The following KIRREL3 variants were observed in gnomAD, a reference collection of about 807,000 sequenced individuals.
KIRREL3 encodes the protein kin of IRRE-like protein 3.
Under a neutral mutation model 89.7 loss-of-function variants are expected in KIRREL3, and 36 were observed. The observed-to-expected ratio is 0.40, with a 90% confidence interval of 0.31 to 0.53. KIRREL3 has a LOEUF of 0.53. Ranked by LOEUF, KIRREL3 falls within the 20% of genes least tolerant of loss-of-function variation. The pLI, the probability that KIRREL3 is intolerant of heterozygous loss-of-function variation, is 0.49. For synonymous variants in KIRREL3, 445 were observed against 441.4 expected (o/e 1.01, Z -0.10); for missense variants, 864 against 1,056.6 (o/e 0.82, Z 2.53).
rs1946490695 is a variant in KIRREL3, at chr11:126,904,322, C to T, written c.55+96133G>A. On this transcript the variant is annotated intron_variant, in intron 1 of 16. Transcript: ENST00000525144. This position sits in a 1 kb window ranked among gnomAD's most constrained non-coding sequence, Gnocchi z 4.4. ...ATGTCTGTATTTTATGGCCCGAAGC[C>T]CCCAAACTCATGATTATTTGCTATT... 6.6e-6 allele frequency among the ~76,000 whole-genome samples: 1 copy of T among 152,098 alleles called. No homozygotes were observed. The highest frequency in any genetic ancestry group is 1.5e-5 in the Non-Finnish European group (1 of 68,028).
chr11:126,588,156 G>A (rs556893069), intron 1 of KIRREL3, among the ~76,000 whole-genome samples: 4 of 152,190 alleles, frequency 2.6e-5, no homozygotes, highest in Non-Finnish European at 5.9e-5. Context: ...ATCATTGTGG[G>A]ACACAATGAG....
Position 126,943,862 on chromosome 11 carries a change from G to A in KIRREL3, c.55+56593C>T, listed in dbSNP as rs1187545903. Among the ~76,000 whole-genome samples the A allele has an allele frequency of 6.6e-6, 1 of 152,202 alleles. No individual in the cohort carries two copies. The highest frequency in any genetic ancestry group is 2.4e-5 in the African/African-American group (1 of 41,452). On this transcript the variant is annotated intron_variant, in intron 1 of 16. Transcript: ENST00000525144. This position sits in a 1 kb window ranked among gnomAD's most constrained non-coding sequence, Gnocchi z 4.2. ...AGGTTTAGGAGGTGAGGGGGACATA[G>A]TATCATTCGGTTTGGTCTAGGTGGA...
In KIRREL3 at chr11:126,474,413, G is replaced by T. The variant is rs1957009252; in HGVS notation, c.434-947C>A. ...GTCACATGGTGGCAGAGCCAGGGCT[G>T]GAGGCCAGGCCCAGGGAACCTGGGA... On this transcript the variant is annotated intron_variant, in intron 4 of 16. Transcript: ENST00000525144. This position sits in a 1 kb window ranked among gnomAD's most constrained non-coding sequence, Gnocchi z 6.7. 6.6e-6 allele frequency among the ~76,000 whole-genome samples: 1 copy of T among 152,238 alleles called. No homozygotes were observed. The highest frequency in any genetic ancestry group is 2.4e-5 in the African/African-American group (1 of 41,476).
At position 126,627,011 on chromosome 11, in the gene KIRREL3, A is replaced by C. The variant is rs554444363; in HGVS notation, c.56-64099T>G. 6.6e-3 allele frequency among the ~76,000 whole-genome samples: 174 copies of C among 26,186 alleles called. 2 individuals are homozygous for C. Among genetic ancestry groups the C allele is most frequent in the African/African-American group, 0.012 (171 of 14,772 alleles). 17.2% of individuals were successfully genotyped at this position (26,186 alleles called of 152,430 possible). ...GTGAAACACTGTCTCAAGAAAAAAAAAAAACAAAAAAAAAAGAATAACCAC... is the reference window on the plus strand; with the variant it reads ...GTGAAACACTGTCTCAAGAAAAAAACAAAACAAAAAAAAAAGAATAACCAC... On this transcript the variant is annotated intron_variant, in intron 1 of 16. Coordinates refer to ENST00000525144, the MANE Select transcript of KIRREL3 (RefSeq NM_032531.4). The surrounding 1 kb of genome is among the most constrained non-coding windows in gnomAD (Gnocchi z 5.0).
chr11:126,746,068 T>G (rs1005517894), intron 1 of KIRREL3, among the ~76,000 whole-genome samples: 5 of 152,204 alleles, frequency 3.3e-5, no homozygotes, highest in Non-Finnish European at 5.9e-5. Flanking sequence ...CCATCTGCTT[T>G]TTGTTAGGTT....
chr11:126,782,432 G>A lies in KIRREL3; in HGVS notation c.55+218023C>T, dbSNP rs987970243. ...ACTAGGTTTGGGTATTAGAGAAGAC[G>A]AGGGAGAAAGTACAGGCTCTTGAAC... On this transcript the variant is annotated intron_variant, in intron 1 of 16. Coordinates refer to ENST00000525144, the MANE Select transcript of KIRREL3 (RefSeq NM_032531.4). This position sits in a 1 kb window ranked among gnomAD's most constrained non-coding sequence, Gnocchi z 4.1. 9.2e-5 allele frequency among the ~76,000 whole-genome samples: 14 copies of A among 152,206 alleles called. No homozygotes were observed. Among genetic ancestry groups the A allele is most frequent in the Admixed American group, 8.5e-4 (13 of 15,286 alleles).
rs938954389 is a variant in KIRREL3, at chr11:126,531,668, C to T, written c.134-4981G>A. Among the ~76,000 whole-genome samples, 1 of 150,048 alleles carries T rather than the reference C, an allele frequency of 6.7e-6. No individual in the cohort carries two copies. The highest frequency in any genetic ancestry group is 2.4e-5 in the African/African-American group (1 of 40,836). On this transcript the variant is annotated intron_variant, in intron 2 of 16. Coordinates refer to ENST00000525144, the MANE Select transcript of KIRREL3 (RefSeq NM_032531.4). The surrounding 1 kb of genome is among the most constrained non-coding windows in gnomAD (Gnocchi z 4.7). ...ACCCAGATGGAATCTTCTTTTTTCTCGTCTTCTCTCTATATTCTCATCTTG... is the reference window on the plus strand; with the variant it reads ...ACCCAGATGGAATCTTCTTTTTTCTTGTCTTCTCTCTATATTCTCATCTTG...
chr11:126,526,366 A>T lies in KIRREL3; in HGVS notation c.283+172T>A, dbSNP rs1246915191. Reference sequence around the variant, plus strand: ...TGCACATCAGGGGCCCTCAGAGTCTAGGGATGCTGGGTGCAGTGCTTGCCT... The same window carrying T: ...TGCACATCAGGGGCCCTCAGAGTCTTGGGATGCTGGGTGCAGTGCTTGCCT... On this transcript the variant is annotated intron_variant, in intron 3 of 16. Transcript: ENST00000525144. This position sits in a 1 kb window ranked among gnomAD's most constrained non-coding sequence, Gnocchi z 5.7. Among the ~76,000 whole-genome samples the T allele has an allele frequency of 6.6e-6, 1 of 152,212 alleles. No individual in the cohort carries two copies. The highest frequency in any genetic ancestry group is 1.5e-5 in the Non-Finnish European group (1 of 68,032).
At position 126,999,797 on chromosome 11, in the gene KIRREL3, C is replaced by T. The variant is rs1950270816; in HGVS notation, c.55+658G>A. Among the ~76,000 whole-genome samples the T allele has an allele frequency of 6.6e-6, 1 of 152,194 alleles. No homozygotes were observed. Among genetic ancestry groups the T allele is most frequent in the Admixed American group, 6.5e-5 (1 of 15,284 alleles). On this transcript the variant is annotated intron_variant, in intron 1 of 16. Transcript: ENST00000525144. This position sits in a 1 kb window ranked among gnomAD's most constrained non-coding sequence, Gnocchi z 5.7. ...CCCCTGCTAGGCTGCAGAAAGGAAACCATCAGCACCACGGGCGAAATTTCA... is the reference window on the plus strand; with the variant it reads ...CCCCTGCTAGGCTGCAGAAAGGAAATCATCAGCACCACGGGCGAAATTTCA...
rs1186019241 is a variant in KIRREL3, at chr11:126,635,710, C to CAGCT, written c.56-72802_56-72799dup. ...CACGTCATCAAAGCTCTTGAGGCCT[C>CAGCT]AGCTTCCTTATCTGTAAAATGTGGC... On this transcript the variant is annotated intron_variant, in intron 1 of 16. Coordinates refer to ENST00000525144, the MANE Select transcript of KIRREL3 (RefSeq NM_032531.4). The surrounding 1 kb of genome is among the most constrained non-coding windows in gnomAD (Gnocchi z 4.0). Among the ~76,000 whole-genome samples, 1 of 152,172 alleles carries CAGCT rather than the reference C, an allele frequency of 6.6e-6. No individual in the cohort carries two copies. The highest frequency in any genetic ancestry group is 1.9e-4 in the East Asian group (1 of 5,196).
intron 1 of KIRREL3, among the ~76,000 whole-genome samples, chr11:126,638,597 T>C (rs1310974271): frequency 6.6e-6 from 1 of 152,238 alleles, no homozygotes; most frequent in Non-Finnish European, 1.5e-5. Flanking sequence ...TTAGGCGGGC[T>C]GGGGTGGGTA....
intron 1 of KIRREL3, among the ~76,000 whole-genome samples, chr11:126,733,667 C>T (rs1353105241): frequency 6.6e-6 from 1 of 152,182 alleles, no homozygotes; most frequent in Non-Finnish European, 1.5e-5. Context: ...TTTTGATGTG[C>T]TGTTTACTTT....
chr11:126,485,694 G>A lies in KIRREL3; in HGVS notation c.434-12228C>T, dbSNP rs1957341366. 6.6e-6 allele frequency among the ~76,000 whole-genome samples: 1 copy of A among 152,224 alleles called. No individual in the cohort carries two copies. Among genetic ancestry groups the A allele is most frequent in the Admixed American group, 6.5e-5 (1 of 15,284 alleles). ...CCACATGGGGGCAGAGTAGCATATTGCATGTGAAATGGGCTTGTTTCCACC... is the reference window on the plus strand; with the variant it reads ...CCACATGGGGGCAGAGTAGCATATTACATGTGAAATGGGCTTGTTTCCACC... On this transcript the variant is annotated intron_variant, in intron 4 of 16. Coordinates refer to ENST00000525144, the MANE Select transcript of KIRREL3 (RefSeq NM_032531.4). The surrounding 1 kb of genome is among the most constrained non-coding windows in gnomAD (Gnocchi z 5.8).
rs561480945 is a variant in KIRREL3, at chr11:126,771,142, G to A, written c.56-208230C>T. 3.9e-5 allele frequency among the ~76,000 whole-genome samples: 6 copies of A among 152,112 alleles called. No individual in the cohort carries two copies. Among genetic ancestry groups the A allele is most frequent in the Non-Finnish European group, 7.4e-5 (5 of 68,022 alleles). On this transcript the variant is annotated intron_variant, in intron 1 of 16. Transcript: ENST00000525144. This position sits in a 1 kb window ranked among gnomAD's most constrained non-coding sequence, Gnocchi z 4.4. Reference sequence around the variant, plus strand: ...ATGAGCCACTTCCTCTGGCCAGAACGATCATTTATTAAAGAGTGTTGTATA... The same window carrying A: ...ATGAGCCACTTCCTCTGGCCAGAACAATCATTTATTAAAGAGTGTTGTATA...
intron 4 of KIRREL3, among the ~76,000 whole-genome samples, chr11:126,500,170 C>T (rs2155314): frequency 0.7 from 106,638 of 152,116 alleles, 37,610 homozygotes; most frequent in East Asian, 0.89. Flanking sequence ...TGTCGGAGTA[C>T]GATTAGGTGG....
chr11:126,444,799 C>A (rs1409000040), intron 10 of KIRREL3, among the ~76,000 whole-genome samples, 180 bp downstream of exon 10: 1 of 152,194 alleles, frequency 6.6e-6, no homozygotes, highest in Non-Finnish European at 1.5e-5. Flanking sequence ...GGCCCTTCCT[C>A]CCTCAGCCTG....
intron 1 of KIRREL3, among the ~76,000 whole-genome samples, chr11:126,725,780 G>T (rs1258401360): frequency 6.6e-6 from 1 of 152,190 alleles, no homozygotes; most frequent in East Asian, 1.9e-4. Context: ...GCAGGGCCAG[G>T]GACTACAGAG....
At chr11:126,975,960 C>T (rs1300828730) in intron 1 of KIRREL3, among the ~76,000 whole-genome samples, 1 of 138,394 alleles carries the variant, frequency 7.2e-6, no homozygotes, top group Non-Finnish European at 1.5e-5. Flanking sequence ...TCCCTCCGTC[C>T]CCATATCCAA....
intron 4 of KIRREL3, among the ~76,000 whole-genome samples, chr11:126,506,304 G>A (rs1939300): frequency 3.0e-4 from 45 of 152,246 alleles, no homozygotes; most frequent in African/African-American, 1.0e-3. Context: ...ACACCATTAA[G>A]TAAACGAAAA....
Sources: allele counts gnomAD v4.1 joint callset (sites outside exome capture counted in the v4.1 genomes callset), GRCh38; gene constraint gnomAD v4.1.1; non-coding constraint Gnocchi (gnomAD v3.1); transcripts MANE v1.5; gene names NCBI Gene and HGNC (gene_info 2026-07-23, HGNC 2026-07-21).